The following OR2AT4 variants were observed in gnomAD, a reference collection of about 807,000 sequenced individuals.
OR2AT4 encodes the protein olfactory receptor family 2 subfamily AT member 4.
In OR2AT4, 6 loss-of-function variants were observed where a neutral mutation model predicts 10.3. That is an observed-to-expected ratio of 0.58 (90% CI 0.32 to 1.15). The LOEUF (loss-of-function observed/expected upper bound fraction) is 1.15. OR2AT4 is among the 50% of genes most tolerant of loss of function. The pLI is 0.05. For missense variants in OR2AT4, 354 were observed against 393.8 expected (o/e 0.90, Z 0.85); for synonymous variants, 145 against 159.1 (o/e 0.91, Z 0.67).
At chr11:75,095,315 T>A (rs1949341776) in intron 1 of OR2AT4, among the ~76,000 whole-genome samples, 1 of 152,182 alleles carries the variant, frequency 6.6e-6, no homozygotes, top group Non-Finnish European at 1.5e-5. Context: ...TCTAGTCAAA[T>A]GGCAACTCCT....
chr11:75,091,236 C>A (rs921422109), intron 1 of OR2AT4, among the ~76,000 whole-genome samples: 1 of 152,166 alleles, frequency 6.6e-6, no homozygotes, highest in Non-Finnish European at 1.5e-5. Flanking sequence ...CTCTGTGAAT[C>A]TAATATAAAT....
At chr11:75,093,242 T>C (rs1435712729) in intron 1 of OR2AT4, among the ~76,000 whole-genome samples, 1 of 152,262 alleles carries the variant, frequency 6.6e-6, no homozygotes, top group Admixed American at 6.5e-5. Context: ...TTGGAGGATG[T>C]CCCTCTGTAA....
intron 1 of OR2AT4, among the ~76,000 whole-genome samples, chr11:75,093,804 CTTTTTCTTTTTTTTTT>C (rs1201808803): frequency 2.0e-4 from 18 of 88,368 alleles, no homozygotes; most frequent in African/African-American, 7.2e-4. Flanking sequence ...TTTTCTTTTT[CTTTTTCTTTTTTTTTT>C]TTTTTTTTTT....
At chr11:75,082,262 A>G (rs980173084) in exon 2 of OR2AT4, 2 of 152,090 alleles carry the variant, frequency 1.3e-5, no homozygotes, top group African/African-American at 4.8e-5. Context: ...GTCAGCAAAA[A>G]TAAGTATGGG....
chr11:75,093,170 G>T (rs530539787), intron 1 of OR2AT4, among the ~76,000 whole-genome samples: 1 of 152,338 alleles, frequency 6.6e-6, no homozygotes, highest in African/African-American at 2.4e-5. Context: ...TTTGTGAGAG[G>T]ACTTGCTTCC....
At chr11:75,089,351 C>A in exon 2 of OR2AT4, 1 of 1,614,144 alleles carries the variant, frequency 6.2e-7, no homozygotes, top group Non-Finnish European at 8.5e-7. Flanking sequence ...AGGCCATGAC[C>A]ACCAGGATGA....
chr11:75,081,985 C>T (rs1477474659), exon 2 of OR2AT4: 1 of 152,160 alleles, frequency 6.6e-6, no homozygotes, highest in Non-Finnish European at 1.5e-5. Context: ...CTATTCCTCT[C>T]AAACTACCAA....
intron 1 of OR2AT4, among the ~76,000 whole-genome samples, chr11:75,095,779 G>A (rs1019393736): frequency 1.3e-5 from 2 of 149,748 alleles, no homozygotes; most frequent in African/African-American, 4.9e-5. Context: ...CCGGGTTCAA[G>A]CGATTCTCAT....
intron 1 of OR2AT4, among the ~76,000 whole-genome samples, chr11:75,091,353 T>A (rs1949319455): frequency 6.6e-6 from 1 of 152,232 alleles, no homozygotes; most frequent in Non-Finnish European, 1.5e-5. Flanking sequence ...TCCCATTACC[T>A]GAGTTAGCAA....
At chr11:75,096,416 A>G (rs772224176) in intron 1 of OR2AT4, among the ~76,000 whole-genome samples, 13 of 152,212 alleles carry the variant, frequency 8.5e-5, no homozygotes, top group Non-Finnish European at 1.8e-4. Context: ...CTGTTTCCAT[A>G]GAAAAGGAGC....
intron 1 of OR2AT4, among the ~76,000 whole-genome samples, chr11:75,093,979 T>C (rs111504478): frequency 1.4e-4 from 22 of 151,910 alleles, no homozygotes; most frequent in Middle Eastern, 3.4e-3. Flanking sequence ...TGTGCCATCA[T>C]GCCCAGCTAG....
At chr11:75,093,559 C>A (rs74657199) in intron 1 of OR2AT4, among the ~76,000 whole-genome samples, 4,415 of 152,254 alleles carry the variant, frequency 0.029, 202 homozygotes, top group African/African-American at 0.1. Context: ...CTGCTCTACT[C>A]TGTTGGGGAT....
chr11:75,092,351 T>A (rs190593228), intron 1 of OR2AT4, among the ~76,000 whole-genome samples: 257 of 152,300 alleles, frequency 1.7e-3, no homozygotes, highest in African/African-American at 5.8e-3. Flanking sequence ...TCAGGATATA[T>A]AACCAAGAGG....
rs771408022 is a variant in OR2AT4 at position 75,089,121 on chromosome 11, G to T, written c.593C>A (p.Thr198Asn). ...GCAGAAGCCCATGAGGGTCTGGGGG[G>T]TGGTGTCAGAGCAGGAGGCCTGGAC... Residue 198 changes from threonine (T) to asparagine (N), a missense_variant, in exon 2 of 2, where the codon ACC becomes AAC. Coordinates refer to ENST00000641504, the Ensembl canonical transcript of OR2AT4. 12 of 1,613,898 alleles carry T rather than the reference G, an allele frequency of 7.4e-6. No individual in the cohort carries two copies. The East Asian group carries it at 8.9e-5, about 12-fold the overall frequency.
At chr11:75,095,063 C>T (rs1024549468) in intron 1 of OR2AT4, among the ~76,000 whole-genome samples, 12 of 152,102 alleles carry the variant, frequency 7.9e-5, no homozygotes, top group African/African-American at 2.9e-4. Context: ...AGCCGTCAAG[C>T]CTGACTGAGC....
exon 2 of OR2AT4, chr11:75,083,254 CT>C (rs1409232832): frequency 6.6e-6 from 1 of 152,124 alleles, no homozygotes; most frequent in East Asian, 1.9e-4. Context: ...TAAACAGACA[CT>C]TCTAAAAAGA....
exon 2 of OR2AT4, chr11:75,089,928 A>G (rs1273118844): frequency 5.8e-6 from 3 of 520,370 alleles, no homozygotes; most frequent in Non-Finnish European, 1.0e-5. Flanking sequence ...TTTGTCAAAT[A>G]TTGATTATTA....
At chr11:75,093,792 T>TTTTTTC (rs1395537183) in intron 1 of OR2AT4, among the ~76,000 whole-genome samples, 1 of 125,566 alleles carries the variant, frequency 8.0e-6, no homozygotes, top group African/African-American at 3.2e-5. Context: ...CTCTTTTCTT[T>TTTTTTC]TTTTTCTTTT....
At chr11:75,094,833 C>T (rs184988706) in intron 1 of OR2AT4, among the ~76,000 whole-genome samples, 53 of 152,274 alleles carry the variant, frequency 3.5e-4, no homozygotes, top group Non-Finnish European at 6.6e-4. Context: ...TACAGTTCGG[C>T]CCCAATTACA....
Sources: gnomAD v4.1 joint callset for allele counts (sites outside exome capture counted in the v4.1 genomes callset) on GRCh38, gnomAD v4.1.1 for gene constraint, MANE v1.5 for transcripts, NCBI Gene and HGNC (gene_info 2026-07-23, HGNC 2026-07-21) for gene names.